Variants in INTS9 observed in about 807,000 individuals in gnomAD.
INTS9 encodes the protein integrator complex subunit 9.
Under a neutral mutation model 79.7 loss-of-function variants are expected in INTS9, and 55 were observed. That is an observed-to-expected ratio of 0.69 (90% CI 0.56 to 0.86). The LOEUF (loss-of-function observed/expected upper bound fraction) is 0.86, where lower values mean the gene tolerates loss of function less well. Among genes scored for constraint, INTS9 ranks in the 40% least tolerant of loss-of-function variants. The pLI, the probability that INTS9 is intolerant of heterozygous loss-of-function variation, is 0.00. For synonymous variants in INTS9, 319 were observed against 325.2 expected (o/e 0.98, Z 0.20); for missense variants, 721 against 831.5 (o/e 0.87, Z 1.64).
intron 8 of INTS9, among the ~76,000 whole-genome samples, chr8:28,805,016 T>C (rs144755156): frequency 1.3e-3 from 201 of 152,288 alleles, no homozygotes; most frequent in African/African-American, 4.5e-3. Context: ...TCTATAATAC[T>C]AGAAATTCCT....
intron 12 of INTS9, 149 bp downstream of exon 12, chr8:28,780,674 G>A (rs949183559): frequency 1.1e-5 from 16 of 1,436,044 alleles, no homozygotes; most frequent in Admixed American, 2.7e-5. Flanking sequence ...CTTTCTCTGC[G>A]GTTTCTTCAT....
At chr8:28,816,813 CTGT>C (rs1311716807) in intron 6 of INTS9, among the ~76,000 whole-genome samples, 335 of 151,604 alleles carry the variant, frequency 2.2e-3, no homozygotes, top group African/African-American at 7.7e-3. Flanking sequence ...TCTCCAGCAC[CTGT>C]TGTTTCCTGA....
intron 1 of INTS9, 52 bp from the exon 2 acceptor site, chr8:28,859,615 C>A (rs779823397): frequency 1.9e-6 from 3 of 1,583,454 alleles, no homozygotes; most frequent in South Asian, 1.1e-5. Context: ...AAGAATCCTA[C>A]AAAGTAAAGT....
intron 1 of INTS9, among the ~76,000 whole-genome samples, chr8:28,882,078 A>T (rs1809873145): frequency 6.9e-6 from 1 of 145,632 alleles, no homozygotes. Flanking sequence ...ATAGAAGTAG[A>T]CATGGGAGAC....
At chr8:28,861,544 T>C (rs886685293) in intron 1 of INTS9, among the ~76,000 whole-genome samples, 1 of 152,238 alleles carries the variant, frequency 6.6e-6, no homozygotes, top group Non-Finnish European at 1.5e-5. Flanking sequence ...TTCTTTCAGC[T>C]TTCTCCATTT....
intron 8 of INTS9, among the ~76,000 whole-genome samples, chr8:28,803,899 G>A (rs1186063728): frequency 6.6e-6 from 1 of 152,036 alleles, no homozygotes; most frequent in Admixed American, 6.6e-5. Context: ...ATGAACTGCT[G>A]GCATGCTCCC....
At chr8:28,861,581 C>G (rs1808461894) in intron 1 of INTS9, among the ~76,000 whole-genome samples, 1 of 152,150 alleles carries the variant, frequency 6.6e-6, no homozygotes, top group African/African-American at 2.4e-5. Flanking sequence ...TGAGCTTTTA[C>G]TACATTTTTA....
At chr8:28,842,267 T>C (rs917154778) in intron 4 of INTS9, among the ~76,000 whole-genome samples, 1 of 151,824 alleles carries the variant, frequency 6.6e-6, no homozygotes, top group African/African-American at 2.4e-5. Context: ...GGGGAAGAAG[T>C]GTAGGAGGTA....
intron 6 of INTS9, among the ~76,000 whole-genome samples, chr8:28,818,022 A>C (rs1195343686): frequency 6.8e-6 from 1 of 146,900 alleles, no homozygotes; most frequent in Non-Finnish European, 1.5e-5. Context: ...ACTTTGCTGA[A>C]GTTGCTTATC....
At chr8:28,838,909 T>G (rs1585445692) in intron 4 of INTS9, among the ~76,000 whole-genome samples, 1 of 152,208 alleles carries the variant, frequency 6.6e-6, no homozygotes, top group Non-Finnish European at 1.5e-5. Flanking sequence ...CCCTCCCACC[T>G]GTGGCAGCCA....
intron 1 of INTS9, among the ~76,000 whole-genome samples, chr8:28,859,983 CCCTTTGTAAATAAGTGA>C (rs1808366549): frequency 6.6e-6 from 1 of 152,148 alleles, no homozygotes; most frequent in Admixed American, 6.6e-5. Flanking sequence ...ATGGTTTTCT[CCCTTTGTAAATAAGTGA>C]CCTTCCTCAA....
chr8:28,861,857 A>G (rs1192706039), intron 1 of INTS9, among the ~76,000 whole-genome samples: 1 of 152,282 alleles, frequency 6.6e-6, no homozygotes, highest in Non-Finnish European at 1.5e-5. Context: ...ACCGAATGGA[A>G]CAAACATTTT....
intron 6 of INTS9, among the ~76,000 whole-genome samples, chr8:28,830,410 G>C (rs1806411406): frequency 6.6e-6 from 1 of 152,064 alleles, no homozygotes; most frequent in Admixed American, 6.6e-5. Context: ...GAGGTGGGCG[G>C]ATCACTTGAG....
At position 28,786,716 on chromosome 8, in the gene INTS9, T is replaced by C. The variant is rs534060199; in HGVS notation, c.1098+1113A>G. Among the ~76,000 whole-genome samples the C allele has an allele frequency of 1.7e-4, 26 of 152,082 alleles. No individual in the cohort carries two copies. In the South Asian group the frequency reaches 5.4e-3, roughly 32 times the overall value. On this transcript the variant is annotated intron_variant, in intron 11 of 16. Transcript: ENST00000521022. Reference sequence around the variant, plus strand: ...GTTCAGCTTTAGCAGATACTGTCAGTTTTCTTTTTTTCTTTTTTTGAGACG... The same window carrying C: ...GTTCAGCTTTAGCAGATACTGTCAGCTTTCTTTTTTTCTTTTTTTGAGACG...
intron 1 of INTS9, among the ~76,000 whole-genome samples, chr8:28,882,901 T>C (rs554908446): frequency 2.0e-5 from 3 of 152,332 alleles, no homozygotes; most frequent in Non-Finnish European, 2.9e-5. Flanking sequence ...TTTCTCACAG[T>C]AAAGTTCCCA....
intron 6 of INTS9, among the ~76,000 whole-genome samples, chr8:28,828,872 G>A (rs943128578): frequency 6.6e-6 from 1 of 152,008 alleles, no homozygotes; most frequent in South Asian, 2.1e-4. Flanking sequence ...TAGTAGAGAC[G>A]GGGTTTCACC....
At chr8:28,822,113 A>C (rs1394137353) in intron 6 of INTS9, among the ~76,000 whole-genome samples, 1 of 152,186 alleles carries the variant, frequency 6.6e-6, no homozygotes, top group Non-Finnish European at 1.5e-5. Context: ...AATTGATGTC[A>C]AAAAAATATT....
intron 2 of INTS9, among the ~76,000 whole-genome samples, chr8:28,855,822 T>C (rs150904096): frequency 8.4e-4 from 128 of 152,328 alleles, no homozygotes; most frequent in African/African-American, 2.7e-3. Context: ...GTACCATGGT[T>C]ATGTTAGAGG....
At chr8:28,882,750 G>C (rs1489779574) in intron 1 of INTS9, among the ~76,000 whole-genome samples, 1 of 152,092 alleles carries the variant, frequency 6.6e-6, no homozygotes, top group Non-Finnish European at 1.5e-5. Flanking sequence ...TAGCTTTCTT[G>C]AACATCATTT....
Sources: gnomAD v4.1 joint callset for allele counts (sites outside exome capture counted in the v4.1 genomes callset) on GRCh38, gnomAD v4.1.1 for gene constraint, MANE v1.5 for transcripts, NCBI Gene and HGNC (gene_info 2026-07-23, HGNC 2026-07-21) for gene names.